The following ECI1 variants were observed in gnomAD, a reference collection of about 807,000 sequenced individuals.
ECI1 encodes the protein enoyl-CoA delta isomerase 1.
A neutral mutation model predicts 34.2 loss-of-function variants in ECI1; 34 were observed. The ratio of observed to expected loss-of-function variants is 1.00; its 90% CI spans 0.76 to 1.33. The LOEUF is 1.33. Among genes scored for constraint, ECI1 ranks in the 40% most tolerant of loss-of-function variants. The probability of loss-of-function intolerance (pLI) is 0.00; values close to 1 mark genes in which losing one functional copy is unlikely to be tolerated. For synonymous variants in ECI1, 211 were observed against 193.0 expected (o/e 1.09, Z -0.77); for missense variants, 456 against 422.2 (o/e 1.08, Z -0.70).
In ECI1 at chr16:2,243,392, G is replaced by A; in HGVS notation, c.489C>T (p.Tyr163=). The change falls in exon 5 of 7, where the codon TAC becomes TAT. Residue 163 remains tyrosine (Y), a synonymous_variant. Transcript: ENST00000301729. The stretch of plus-strand genomic sequence containing the variant: ...ACCTGGGGTTGTCCGCCAGGATGCG[G>A]TAGTCACAGGTCAGGGCCACCAGGC... ...GGCLVALTCD[Y]RILADNPRYC... 1 of 1,613,602 alleles carries A rather than the reference G, an allele frequency of 6.2e-7. No homozygotes were observed. The highest frequency in any genetic ancestry group is 1.1e-5 in the South Asian group (1 of 91,086).
At chr16:2,242,769 G>A (rs1273934640) in intron 6 of ECI1, 3 of 520,358 alleles carry the variant, frequency 5.8e-6, no homozygotes, top group Non-Finnish European at 1.0e-5. Context: ...GCCAGCAGAA[G>A]TGGGCGGGGC....
At chr16:2,242,009 G>A (rs952266844) in intron 6 of ECI1, among the ~76,000 whole-genome samples, 7 of 152,094 alleles carry the variant, frequency 4.6e-5, no homozygotes, top group Non-Finnish European at 5.9e-5. Flanking sequence ...ACAGGCGCCC[G>A]CCGCCACACC....
chr16:2,246,329 C>T (rs571838457), intron 3 of ECI1, among the ~76,000 whole-genome samples: 21 of 152,292 alleles, frequency 1.4e-4, no homozygotes, highest in Admixed American at 3.9e-4. Context: ...GGGTATTGTT[C>T]GCAGGACTGG....
intron 3 of ECI1, among the ~76,000 whole-genome samples, chr16:2,245,258 G>A (rs2093537583): frequency 6.6e-6 from 1 of 152,222 alleles, no homozygotes; most frequent in Non-Finnish European, 1.5e-5. Context: ...CCTCCCGAGG[G>A]CCAGACCCCC....
chr16:2,243,265 G>A, intron 5 of ECI1, 41 bp from the exon 6 acceptor site: 2 of 1,613,216 alleles, frequency 1.2e-6, no homozygotes, highest in Non-Finnish European at 1.7e-6. Context: ...GCCCCAGGCG[G>A]GTCTGTTCCC....
intron 2 of ECI1, among the ~76,000 whole-genome samples, chr16:2,247,254 G>A (rs947799610): frequency 6.6e-5 from 10 of 151,688 alleles, no homozygotes; most frequent in African/African-American, 2.4e-4. Context: ...CCACCACCAC[G>A]CCCGGATAAT....
chr16:2,251,492 C>G lies in ECI1; in HGVS notation c.52+23G>C, dbSNP rs1432065389. On this transcript the variant is annotated intron_variant, in intron 1 of 6. Transcript: ENST00000301729. ...TCCTGGCCCCGGCCCCGGCCCGATC[C>G]CTGCCCACCCCGGGTTTCGCACCCG... 1.9e-6 allele frequency: 3 copies of G among 1,556,198 alleles called. No homozygotes were observed. The South Asian group carries it at 3.6e-5, about 18-fold the overall frequency.
In ECI1 at chr16:2,248,021, C is replaced by T. The variant is rs1310358337; in HGVS notation, c.167-1035G>A. Reference sequence around the variant, plus strand: ...TTGGTTTTTTACATTGAAGTAAGATCGATATAACATAAATTAACAATTTTA... The same window carrying T: ...TTGGTTTTTTACATTGAAGTAAGATTGATATAACATAAATTAACAATTTTA... On this transcript the variant is annotated intron_variant, in intron 2 of 6. Coordinates refer to ENST00000301729, the MANE Select transcript of ECI1 (RefSeq NM_001919.4). Among the ~76,000 whole-genome samples the T allele has an allele frequency of 2.0e-5, 3 of 152,100 alleles. No individual in the cohort carries two copies. In the South Asian group the frequency reaches 6.2e-4, roughly 32 times the overall value.
chr16:2,243,813 C>T (rs888026211), intron 4 of ECI1, among the ~76,000 whole-genome samples: 1 of 152,234 alleles, frequency 6.6e-6, no homozygotes, highest in African/African-American at 2.4e-5. Context: ...AAGGGGGCCC[C>T]GATACCACCC....
At chr16:2,249,004 T>C (rs1369302449) in intron 2 of ECI1, among the ~76,000 whole-genome samples, 1 of 151,464 alleles carries the variant, frequency 6.6e-6, no homozygotes, top group African/African-American at 2.4e-5. Context: ...GGTTCATCCA[T>C]GTGGTTGTCA....
Position 2,251,347 on chromosome 16 carries a change from C to T in ECI1, c.135G>A (p.Gln45=), listed in dbSNP as rs964268127. ...CCGCGTCCGGCTCCACCAGCACCCG[C>T]TGGCTCCCGAAGCGCCGCGCGCCGT... ...GGDGARRFGS[Q]RVLVEPDAGA... The change falls in exon 2 of 7, where the codon CAG becomes CAA. Residue 45 remains glutamine, a synonymous_variant. Transcript: ENST00000301729. 8.0e-7 allele frequency: 1 copy of T among 1,251,352 alleles called. No individual in the cohort carries two copies. Among genetic ancestry groups the T allele is most frequent in the Non-Finnish European group, 1.0e-6 (1 of 996,040 alleles). 77.5% of individuals were successfully genotyped at this position (1,251,352 alleles called of 1,614,324 possible). A position where few individuals can be genotyped will look rare whatever the true frequency, so the allele number is the denominator to read the frequency against.
chr16:2,245,469 G>C (rs2093538188), intron 3 of ECI1, among the ~76,000 whole-genome samples: 1 of 152,220 alleles, frequency 6.6e-6, no homozygotes. Context: ...GAACGGTGCG[G>C]GTGGGCAACG....
At chr16:2,249,270 C>G (rs1469593529) in intron 2 of ECI1, among the ~76,000 whole-genome samples, 1 of 151,700 alleles carries the variant, frequency 6.6e-6, no homozygotes, top group African/African-American at 2.4e-5. Flanking sequence ...AGAATGGTCT[C>G]AATCTCCTGA....
At position 2,244,567 on chromosome 16, in the gene ECI1, G is replaced by A. The variant is rs528954080; in HGVS notation, c.295-15C>T. On this transcript the variant is annotated splice_polypyrimidine_tract_variant and intron_variant, in intron 3 of 6. Coordinates refer to ENST00000301729, the MANE Select transcript of ECI1 (RefSeq NM_001919.4). ...CCCGGGCGGTCCTGCAGGGGGAGCC[G>A]GGGCCACATGCCCATCAGAGTCCAC... is the stretch of plus-strand genomic sequence containing the variant. 41 of 1,570,250 alleles carry A rather than the reference G, an allele frequency of 2.6e-5. No homozygotes were observed. The highest frequency in any genetic ancestry group is 1.2e-4 in the African/African-American group (9 of 74,042).
At chr16:2,250,030 A>ATT (rs35761478) in intron 2 of ECI1, among the ~76,000 whole-genome samples, 3 of 143,026 alleles carry the variant, frequency 2.1e-5, no homozygotes, top group South Asian at 2.2e-4. Context: ...AAAAATAATA[A>ATT]TTTTTTTTTT....
chr16:2,240,100 G>C lies in ECI1; in HGVS notation c.788C>G (p.Ala263Gly). ...ATCGCGCTGCGTGACCAGGCGGCTGGCCGTGGCCTTTCGCATCATGGCCTT... is the reference window on the plus strand; with the variant it reads ...ATCGCGCTGCGTGACCAGGCGGCTGCCCGTGGCCTTTCGCATCATGGCCTT... Reference protein sequence around the residue: ...LTKAMMRKATASRLVTQRDAD... With the variant: ...LTKAMMRKATGSRLVTQRDAD... The change falls in exon 7 of 7, where the codon GCC becomes GGC. Residue 263 changes from alanine (A) to glycine (G), a missense_variant. Ala to Gly is a moderately conservative substitution (Grantham distance 60). Coordinates refer to ENST00000301729, the MANE Select transcript of ECI1 (RefSeq NM_001919.4). The C allele has an allele frequency of 1.2e-5, 19 of 1,613,892 alleles. No individual in the cohort carries two copies. Among genetic ancestry groups the C allele is most frequent in the Middle Eastern group, 1.6e-4 (1 of 6,062 alleles).
At position 2,251,580 on chromosome 16, in the gene ECI1, C is replaced by A. The variant is rs1327847198; in HGVS notation, c.-14G>T. 6.4e-7 allele frequency: 1 copy of A among 1,552,428 alleles called. No homozygotes were observed. The highest frequency in any genetic ancestry group is 2.4e-5 in the East Asian group (1 of 41,194). ...CACCAGCGCCATCTTGACCGCAACG[C>A]GCGGGATAAAGGTCGCGGGCTGAGC... On this transcript the variant is annotated 5_prime_UTR_variant, in exon 1 of 7. Coordinates refer to ENST00000301729, the MANE Select transcript of ECI1 (RefSeq NM_001919.4).
Position 2,244,556 on chromosome 16 carries a change from C to A in ECI1, c.295-4G>T. On this transcript the variant is annotated splice_region_variant and splice_polypyrimidine_tract_variant and intron_variant, in intron 3 of 6. Transcript: ENST00000301729. ...CCGAGAAGACACCCGGGCGGTCCTG[C>A]AGGGGGAGCCGGGGCCACATGCCCA... The A allele has an allele frequency of 6.3e-7, 1 of 1,578,074 alleles. No homozygotes were observed. The highest frequency in any genetic ancestry group is 1.8e-5 in the Admixed American group (1 of 55,116).
Position 2,251,434 on chromosome 16 carries a change from G to T in ECI1, c.53-5C>A. On this transcript the variant is annotated splice_polypyrimidine_tract_variant and splice_region_variant and intron_variant, in intron 1 of 6. Coordinates refer to ENST00000301729, the MANE Select transcript of ECI1 (RefSeq NM_001919.4). ...CCGCGCCCGGGAGCCGGGCCCCTGC[G>T]AAGGCAGCGTGGGGGAGCCCGTTAG... 2 of 1,452,772 alleles carry T rather than the reference G, an allele frequency of 1.4e-6. No individual in the cohort carries two copies. The highest frequency in any genetic ancestry group is 1.3e-5 in the South Asian group (1 of 75,080). 90.0% of individuals were successfully genotyped at this position (1,452,772 alleles called of 1,614,324 possible).
Sources: gnomAD v4.1 joint callset for allele counts (sites outside exome capture counted in the v4.1 genomes callset) on GRCh38, gnomAD v4.1.1 for gene constraint, MANE v1.5 for transcripts, NCBI Gene and HGNC (gene_info 2026-07-23, HGNC 2026-07-21) for gene names.